TBCK: variants seen among roughly 807,000 people sequenced by gnomAD.
TBCK encodes the protein TBC1 domain containing kinase.
TBCK carries 99 observed loss-of-function variants against 113.4 expected under a neutral mutation model. That is an observed-to-expected ratio of 0.87 (90% CI 0.74 to 1.03). The LOEUF is 1.03. Among genes scored for constraint, TBCK ranks in the 50% least tolerant of loss-of-function variants. TBCK has a pLI of 0.00. For missense variants in TBCK, 1,045 were observed against 1,061.3 expected, an observed-to-expected ratio of 0.98 and a Z score of 0.21; for synonymous variants, 369 against 370.8, an observed-to-expected ratio of 1.00 and a Z score of 0.05.
At chr4:106,107,206 A>G (rs908358171) in intron 24 of TBCK, among the ~76,000 whole-genome samples, 16 of 152,162 alleles carry the variant, frequency 1.1e-4, no homozygotes, top group Non-Finnish European at 1.5e-4. Flanking sequence ...CAACACTCCA[A>G]TGACAGTATT....
rs777153941 is a variant in TBCK at position 106,046,390 on chromosome 4, G to A, written c.*180C>T. On this transcript the variant is annotated 3_prime_UTR_variant, in exon 26 of 26. Coordinates refer to ENST00000394708, the MANE Select transcript of TBCK (RefSeq NM_001163435.3). ...CTTTCAGCAATACATGTAGAGTCAA[G>A]TTTCTTGCATGGATAACTGAACATG... 4.1e-5 allele frequency: 19 copies of A among 466,400 alleles called. No homozygotes were observed. Among genetic ancestry groups the A allele is most frequent in the Non-Finnish European group, 5.3e-5 (14 of 262,874 alleles). The allele number at this position is 466,400 out of a possible 1,614,324, so 28.9% of individuals were successfully genotyped here.
intron 22 of TBCK, among the ~76,000 whole-genome samples, chr4:106,175,094 C>T (rs915427542): frequency 2.7e-5 from 4 of 150,006 alleles, no homozygotes; most frequent in Non-Finnish European, 4.4e-5. Context: ...GCCTGTATCA[C>T]GCTTGTACTC....
At chr4:106,268,774 C>T (rs1016951652) in intron 3 of TBCK, among the ~76,000 whole-genome samples, 2 of 152,072 alleles carry the variant, frequency 1.3e-5, no homozygotes, top group African/African-American at 4.8e-5. Context: ...AAACCATCAG[C>T]TCTTTTAGGT....
At chr4:106,197,991 T>G (rs576546838) in intron 20 of TBCK, among the ~76,000 whole-genome samples, 1 of 152,276 alleles carries the variant, frequency 6.6e-6, no homozygotes, top group South Asian at 2.1e-4. Context: ...TTAGCCAAAT[T>G]GATTTTTCTA....
At chr4:106,129,388 G>C (rs543260470) in intron 23 of TBCK, among the ~76,000 whole-genome samples, 1 of 152,158 alleles carries the variant, frequency 6.6e-6, no homozygotes, top group Non-Finnish European at 1.5e-5. Flanking sequence ...TGAACATGCG[G>C]TGTTTGGTTT....
chr4:106,316,369 T>G (rs972539478), upstream of TBCK: 9 of 608,696 alleles, frequency 1.5e-5, no homozygotes, highest in East Asian at 3.0e-5. Context: ...GGGGGGTCGA[T>G]TGAAAATACT....
intron 25 of TBCK, among the ~76,000 whole-genome samples, chr4:106,052,352 T>C (rs1436578840): frequency 2.6e-5 from 4 of 151,796 alleles, no homozygotes; most frequent in Non-Finnish European, 5.9e-5. Flanking sequence ...AAAATGCTAA[T>C]TATGTATTTT....
chr4:106,042,747 C>A lies in TBCK; in HGVS notation c.*3823G>T, dbSNP rs1733937215. The A allele has an allele frequency of 6.6e-6, 1 of 152,156 alleles. No individual in the cohort carries two copies. The highest frequency in any genetic ancestry group is 2.4e-5 in the African/African-American group (1 of 41,438). The allele number at this position is 152,156 out of a possible 1,614,324, so 9.4% of individuals were successfully genotyped here. ...AACAAAAATCTGGCACCACTGTGTC[C>A]TCTAAAAGTTTTATATAATTCATTG... On this transcript the variant is annotated 3_prime_UTR_variant, in exon 26 of 26. Coordinates refer to ENST00000394708, the MANE Select transcript of TBCK (RefSeq NM_001163435.3).
intron 1 of TBCK, chr4:106,310,201 ATAT>A (rs1316432455): frequency 6.6e-6 from 1 of 152,206 alleles, no homozygotes; most frequent in Non-Finnish European, 1.5e-5. Flanking sequence ...TAAAAATAAA[ATAT>A]TATAAAACGT....
intron 24 of TBCK, among the ~76,000 whole-genome samples, chr4:106,114,554 C>A (rs1414417637): frequency 2.0e-5 from 3 of 152,182 alleles, no homozygotes; most frequent in Non-Finnish European, 4.4e-5. Flanking sequence ...TTACAGCACC[C>A]TGCTCGGGGT....
At chr4:106,145,553 C>T (rs1339047403) in intron 23 of TBCK, among the ~76,000 whole-genome samples, 2 of 152,072 alleles carry the variant, frequency 1.3e-5, no homozygotes, top group African/African-American at 4.8e-5. Context: ...AAATTAGGGA[C>T]TTAATTTTTT....
At chr4:106,219,231 G>GA (rs1273833417) in intron 19 of TBCK, among the ~76,000 whole-genome samples, 3 of 106,826 alleles carry the variant, frequency 2.8e-5, no homozygotes, top group African/African-American at 1.1e-4. Context: ...GGGGTGGGGG[G>GA]AGGGGGGAGG....
chr4:106,105,145 C>T (rs1199373132), intron 24 of TBCK, among the ~76,000 whole-genome samples: 1 of 152,242 alleles, frequency 6.6e-6, no homozygotes, highest in Admixed American at 6.5e-5. Flanking sequence ...CTGTCTTATC[C>T]ATACCTCCAA....
chr4:106,237,646 C>G, intron 12 of TBCK: 1 of 393,200 alleles, frequency 2.5e-6, no homozygotes, highest in Non-Finnish European at 5.1e-6. Flanking sequence ...ATTTTTAAAG[C>G]TTAAGAAAAA....
intron 25 of TBCK, among the ~76,000 whole-genome samples, chr4:106,089,709 C>G (rs1036643842): frequency 6.6e-6 from 1 of 152,332 alleles, no homozygotes; most frequent in East Asian, 1.9e-4. Flanking sequence ...AAAAGAGAGG[C>G]AATACGCCCA....
intron 24 of TBCK, among the ~76,000 whole-genome samples, chr4:106,105,014 G>A (rs757357973): frequency 2.6e-5 from 4 of 152,240 alleles, no homozygotes; most frequent in Non-Finnish European, 4.4e-5. Context: ...TATCGAGCCA[G>A]TGCGAACTCA....
intron 5 of TBCK, among the ~76,000 whole-genome samples, chr4:106,254,556 A>C (rs1462911691): frequency 6.6e-6 from 1 of 152,164 alleles, no homozygotes; most frequent in Non-Finnish European, 1.5e-5. Context: ...AGTTGAATTA[A>C]ACTTTTTTCC....
intron 2 of TBCK, among the ~76,000 whole-genome samples, chr4:106,301,676 CATA>C (rs964091863): frequency 1.3e-5 from 2 of 152,086 alleles, no homozygotes; most frequent in Non-Finnish European, 2.9e-5. Flanking sequence ...CATGTGAAAA[CATA>C]ATGTTACTAA....
chr4:106,052,198 A>T (rs942330406), intron 25 of TBCK, among the ~76,000 whole-genome samples: 2 of 151,682 alleles, frequency 1.3e-5, no homozygotes, highest in African/African-American at 4.8e-5. Flanking sequence ...TTCTAATTTC[A>T]CTCACAGAAA....
Sources: gnomAD v4.1 joint callset for allele counts (sites outside exome capture counted in the v4.1 genomes callset) on GRCh38, gnomAD v4.1.1 for gene constraint, MANE v1.5 for transcripts, NCBI Gene and HGNC (gene_info 2026-07-23, HGNC 2026-07-21) for gene names.